IGF2BP1: variants seen among roughly 807,000 people sequenced by gnomAD.
The protein encoded by IGF2BP1 is insulin like growth factor 2 mRNA binding protein 1.
A neutral mutation model predicts 74.9 loss-of-function variants in IGF2BP1; 11 were observed. That is an observed-to-expected ratio of 0.15 (90% CI 0.09 to 0.24). IGF2BP1 has a LOEUF of 0.24. Among genes scored for constraint, IGF2BP1 ranks in the 10% least tolerant of loss-of-function variants. The pLI is 1.00. For missense variants in IGF2BP1, 440 were observed against 757.4 expected, an observed-to-expected ratio of 0.58 and a Z score of 4.92; for synonymous variants, 287 against 281.8, an observed-to-expected ratio of 1.02 and a Z score of -0.18.
chr17:49,041,622 G>A (rs1009993634), intron 8 of IGF2BP1, 122 bp downstream of exon 8: 17 of 1,318,594 alleles, frequency 1.3e-5, no homozygotes, highest in Non-Finnish European at 1.8e-5. Flanking sequence ...GCCTCTTGAA[G>A]AAAAACAGTC....
intron 14 of IGF2BP1, among the ~76,000 whole-genome samples, chr17:49,047,172 T>G (rs1326969689): frequency 1.3e-5 from 2 of 152,138 alleles, no homozygotes; most frequent in East Asian, 3.8e-4. Flanking sequence ...CCAGTGCCCA[T>G]ATAGTATAGC....
chr17:49,037,113 G>T, intron 5 of IGF2BP1: 1 of 371,224 alleles, frequency 2.7e-6, no homozygotes, highest in South Asian at 2.8e-5. Context: ...AAAAAACAAT[G>T]GGAAGACGCT....
At chr17:49,031,501 CTT>C (rs879764030) in intron 4 of IGF2BP1, among the ~76,000 whole-genome samples, 4 of 143,396 alleles carry the variant, frequency 2.8e-5, no homozygotes, top group African/African-American at 2.5e-5. Flanking sequence ...TTTCTTTCTT[CTT>C]TTTTTTTTTT....
chr17:49,055,762 C>CT lies in IGF2BP1; in HGVS notation c.*6320dup. Reference sequence around the variant, plus strand: ...ATTTGTAAGCAGTTCTGAAACATCACTTACTCAGAAGAGGGAACGATGTAT... The same window carrying CT: ...ATTTGTAAGCAGTTCTGAAACATCACTTTACTCAGAAGAGGGAACGATGTAT... On this transcript the variant is annotated 3_prime_UTR_variant, in exon 15 of 15. Coordinates refer to ENST00000290341, the MANE Select transcript of IGF2BP1 (RefSeq NM_006546.4). 1 of 393,828 alleles carries CT rather than the reference C, an allele frequency of 2.5e-6. No homozygotes were observed. Among genetic ancestry groups the CT allele is most frequent in the East Asian group, 3.6e-5 (1 of 27,852 alleles). 24.4% of individuals were successfully genotyped at this position (393,828 alleles called of 1,614,324 possible). A position where few individuals can be genotyped will look rare whatever the true frequency, so the allele number is the denominator to read the frequency against.
intron 2 of IGF2BP1, among the ~76,000 whole-genome samples, chr17:49,017,611 T>C (rs1258886396): frequency 6.6e-6 from 1 of 152,094 alleles, no homozygotes; most frequent in Non-Finnish European, 1.5e-5. Flanking sequence ...TCATATTCAT[T>C]TATTTATTAT....
intron 2 of IGF2BP1, chr17:49,015,062 T>C (rs1418044020): frequency 6.8e-5 from 28 of 411,782 alleles, no homozygotes; most frequent in Non-Finnish European, 8.8e-5. Flanking sequence ...TGGAGTGCAG[T>C]GGCGTGATCT....
intron 2 of IGF2BP1, among the ~76,000 whole-genome samples, chr17:49,011,246 A>G (rs1567811538): frequency 6.6e-6 from 1 of 150,426 alleles, no homozygotes; most frequent in Non-Finnish European, 1.5e-5. Flanking sequence ...TAGAAGAGGG[A>G]GGCATTCAGT....
intron 1 of IGF2BP1, among the ~76,000 whole-genome samples, chr17:48,998,885 T>C (rs766308670): frequency 1.3e-5 from 2 of 152,130 alleles, no homozygotes; most frequent in Non-Finnish European, 2.9e-5. Flanking sequence ...GCCTCAGTGA[T>C]TTAATAAAGC....
chr17:49,034,885 C>T (rs915595630), intron 5 of IGF2BP1, among the ~76,000 whole-genome samples: 1 of 152,138 alleles, frequency 6.6e-6, no homozygotes, highest in African/African-American at 2.4e-5. Flanking sequence ...TAATTTATTA[C>T]ATGTTTTCAC....
chr17:49,038,421 C>T lies in IGF2BP1; in HGVS notation c.655C>T (p.Arg219Cys), dbSNP rs754194926. 47 of 1,561,416 alleles carry T rather than the reference C, an allele frequency of 3.0e-5. No homozygotes were observed. The highest frequency in any genetic ancestry group is 1.1e-4 in the South Asian group (9 of 82,752). Reference sequence around the variant, plus strand: ...TATTGGCAAGGAGGGGGCCACCATCCGCAACATCACAAAACAGACCCAGTC... The same window carrying T: ...TATTGGCAAGGAGGGGGCCACCATCTGCAACATCACAAAACAGACCCAGTC... ...AIIGKEGATI[R>C]NITKQTQSKI... is the part of the protein sequence containing the mutation. The change falls in exon 6 of 15, where the codon CGC becomes TGC. Residue 219 changes from arginine (R) to cysteine (C), a missense_variant. Physicochemically the swap from Arg to Cys is radical, Grantham distance 180 (BLOSUM62 -3). Coordinates refer to ENST00000290341, the MANE Select transcript of IGF2BP1 (RefSeq NM_006546.4).
rs779194485 is a variant in IGF2BP1, at chr17:49,025,670, AGT to A, written c.285+7_285+8del. 1 of 1,611,446 alleles carries A rather than the reference AGT, an allele frequency of 6.2e-7. No homozygotes were observed. Among genetic ancestry groups the A allele is most frequent in the Admixed American group, 1.7e-5 (1 of 59,916 alleles). ...TCCACCCCAGCTCCGATGGGAAGTAAGTGTTTGGGGGAAACTCTAAATGGAGT... is the reference window on the plus strand; with the variant it reads ...TCCACCCCAGCTCCGATGGGAAGTAAGTTTGGGGGAAACTCTAAATGGAGT... On this transcript the variant is annotated splice_donor_5th_base_variant and intron_variant, in intron 3 of 14. Coordinates refer to ENST00000290341, the MANE Select transcript of IGF2BP1 (RefSeq NM_006546.4).
intron 4 of IGF2BP1, 93 bp downstream of exon 4, chr17:49,026,610 T>G: frequency 9.4e-7 from 1 of 1,059,024 alleles, no homozygotes; most frequent in Non-Finnish European, 1.4e-6. Context: ...TTTCTTTTTC[T>G]CCCTTCCTTC....
In IGF2BP1 at chr17:49,055,635, G is replaced by A. The variant is rs933246784; in HGVS notation, c.*6191G>A. The stretch of plus-strand genomic sequence containing the variant: ...TTATGTGTTACCATAATGAATAAAC[G>A]TCCTCTATCACCATTTGGAGTCTCC... On this transcript the variant is annotated 3_prime_UTR_variant, in exon 15 of 15. Transcript: ENST00000290341. 8.0e-5 allele frequency: 32 copies of A among 398,390 alleles called. No individual in the cohort carries two copies. The highest frequency in any genetic ancestry group is 1.2e-4 in the Non-Finnish European group (28 of 226,056). 24.7% of individuals were successfully genotyped at this position (398,390 alleles called of 1,614,324 possible).
chr17:49,014,912 G>C (rs1033644786), intron 2 of IGF2BP1: 158 of 985,214 alleles, frequency 1.6e-4, no homozygotes, highest in Non-Finnish European at 1.8e-4. Context: ...GGCCACCTCG[G>C]CTGTTCCCTC....
At chr17:49,021,971 G>A (rs1211209637) in intron 2 of IGF2BP1, among the ~76,000 whole-genome samples, 3 of 152,176 alleles carry the variant, frequency 2.0e-5, no homozygotes, top group Non-Finnish European at 1.5e-5. Flanking sequence ...CTTAATAACT[G>A]TTAACTATTG....
In IGF2BP1 at chr17:49,051,594, T is replaced by A. The variant is rs561181033; in HGVS notation, c.*2150T>A. On this transcript the variant is annotated 3_prime_UTR_variant, in exon 15 of 15. Coordinates refer to ENST00000290341, the MANE Select transcript of IGF2BP1 (RefSeq NM_006546.4). ...CTGGCCCTTGGTCTCCTCTCTTTCC[T>A]CCTTTGGTTAAAGAGCATCTCAGCC... 5 of 152,332 alleles carry A rather than the reference T, an allele frequency of 3.3e-5. No homozygotes were observed. The highest frequency in any genetic ancestry group is 1.2e-4 in the African/African-American group (5 of 41,562). 9.4% of individuals were successfully genotyped at this position (152,332 alleles called of 1,614,324 possible).
chr17:49,026,677 CTG>C, intron 4 of IGF2BP1, among the ~76,000 whole-genome samples, 160 bp downstream of exon 4: 1 of 30,866 alleles, frequency 3.2e-5, no homozygotes. Flanking sequence ...GCCTTCCTTC[CTG>C]CCTTCCTGCC....
intron 2 of IGF2BP1, among the ~76,000 whole-genome samples, chr17:49,011,670 C>T (rs2041620931): frequency 6.7e-6 from 1 of 150,200 alleles, no homozygotes; most frequent in Non-Finnish European, 1.5e-5. Flanking sequence ...GCCTGGGTGA[C>T]AGAATGAGAC....
At chr17:49,010,336 T>C (rs1412095269) in intron 2 of IGF2BP1, among the ~76,000 whole-genome samples, 1 of 110,304 alleles carries the variant, frequency 9.1e-6, no homozygotes, top group Non-Finnish European at 1.9e-5. Context: ...TTTTTTTTTT[T>C]GAGACAGTCT....
Sources: gnomAD v4.1 joint callset for allele counts (sites outside exome capture counted in the v4.1 genomes callset) on GRCh38, gnomAD v4.1.1 for gene constraint, MANE v1.5 for transcripts, NCBI Gene and HGNC (gene_info 2026-07-23, HGNC 2026-07-21) for gene names.